The following TCTN2 variants were observed in gnomAD, a reference collection of about 807,000 sequenced individuals.
The protein encoded by TCTN2 is tectonic family member 2, also known as tectonic-2.
Under a neutral mutation model 83.4 loss-of-function variants are expected in TCTN2, and 66 were observed. The ratio of observed to expected loss-of-function variants is 0.79; its 90% CI spans 0.65 to 0.97. The LOEUF is 0.97. Among genes scored for constraint, TCTN2 ranks in the 50% least tolerant of loss-of-function variants. The pLI is 0.00. For synonymous variants in TCTN2, 301 were observed against 326.7 expected, an observed-to-expected ratio of 0.92 and a Z score of 0.85; for missense variants, 794 against 858.1, an observed-to-expected ratio of 0.93 and a Z score of 0.93.
rs1956089754 is a variant in TCTN2, at chr12:123,694,950, G to A, written c.1208G>A (p.Arg403Lys). The A allele has an allele frequency of 1.2e-6, 2 of 1,613,422 alleles. No individual in the cohort carries two copies. Among genetic ancestry groups the A allele is most frequent in the South Asian group, 2.2e-5 (2 of 91,046 alleles). Reference sequence around the variant, plus strand: ...AGTGAAATAAATGTTAAAATTTTTAGGGCAGAGATTAATGCCCACCAGAAA... The same window carrying A: ...AGTGAAATAAATGTTAAAATTTTTAAGGCAGAGATTAATGCCCACCAGAAA... ...TISEINVKIF[R>K]AEINAHQKGI... is the part of the protein sequence containing the mutation. The change falls in exon 10 of 18, where the codon AGG becomes AAG. Residue 403 changes from arginine to lysine, a missense_variant. By Grantham distance (26) the Arg-to-Lys change is conservative. Coordinates refer to ENST00000303372, the MANE Select transcript of TCTN2 (RefSeq NM_024809.5).
chr12:123,699,873 G>A lies in TCTN2; in HGVS notation c.1612+63G>A, dbSNP rs1171769783. 1.4e-5 allele frequency: 19 copies of A among 1,313,994 alleles called. No homozygotes were observed. The Admixed American group carries it at 1.7e-4, about 12-fold the overall frequency. 81.4% of individuals were successfully genotyped at this position (1,313,994 alleles called of 1,614,324 possible). On this transcript the variant is annotated intron_variant, in intron 14 of 17. Transcript: ENST00000303372. ...GTTGCTGTGACTACCAACTGTAGTC[G>A]CAGCATTAGAGCCCAACCCAGTAGG...
Position 123,707,907 on chromosome 12 carries a change from A to G in TCTN2, c.*194A>G. 1.7e-6 allele frequency: 1 copy of G among 578,882 alleles called. No individual in the cohort carries two copies. The highest frequency in any genetic ancestry group is 3.1e-6 in the Non-Finnish European group (1 of 321,532). 35.9% of individuals were successfully genotyped at this position (578,882 alleles called of 1,614,324 possible). ...GTATTTTTAGTAGAGACAGGGTTCC[A>G]CCGTATTGGCCAGGCTGCTCTCGAA... On this transcript the variant is annotated 3_prime_UTR_variant, in exon 18 of 18. Coordinates refer to ENST00000303372, the MANE Select transcript of TCTN2 (RefSeq NM_024809.5).
chr12:123,685,607 T>TG (rs1955954769), intron 5 of TCTN2, among the ~76,000 whole-genome samples: 1 of 151,672 alleles, frequency 6.6e-6, no homozygotes, highest in Non-Finnish European at 1.5e-5. Flanking sequence ...TTAGTAGAGA[T>TG]GGGGTTTCAC....
chr12:123,701,775 T>C (rs911934000), intron 14 of TCTN2, among the ~76,000 whole-genome samples: 11 of 150,928 alleles, frequency 7.3e-5, no homozygotes, highest in Non-Finnish European at 1.2e-4. Flanking sequence ...ACAGATCTAA[T>C]AATAGCAGGG....
chr12:123,691,840 C>A (rs961184791), intron 8 of TCTN2, among the ~76,000 whole-genome samples: 5 of 150,454 alleles, frequency 3.3e-5, no homozygotes, highest in Non-Finnish European at 5.9e-5. Flanking sequence ...CAAGCGATTC[C>A]CCTGCCTCAG....
chr12:123,693,579 A>G (rs370029665), intron 9 of TCTN2, among the ~76,000 whole-genome samples: 1 of 150,220 alleles, frequency 6.7e-6, no homozygotes, highest in Non-Finnish European at 1.5e-5. Flanking sequence ...CAGTCTCCCA[A>G]GTAGCTGGGA....
chr12:123,680,117 C>T (rs968023195), intron 5 of TCTN2, among the ~76,000 whole-genome samples: 6 of 151,866 alleles, frequency 4.0e-5, no homozygotes, highest in African/African-American at 1.4e-4. Context: ...CTTTGGGTGG[C>T]CAAGGTGGGC....
At position 123,704,587 on chromosome 12, in the gene TCTN2, G is replaced by A. The variant is rs1956208251; in HGVS notation, c.1668G>A (p.Met556Ile). 1 of 1,613,676 alleles carries A rather than the reference G, an allele frequency of 6.2e-7. No individual in the cohort carries two copies. The highest frequency in any genetic ancestry group is 8.5e-7 in the Non-Finnish European group (1 of 1,179,974). The change falls in exon 15 of 18, where the codon ATG (methionine) becomes ATA (isoleucine). Residue 556 changes from methionine (M) to isoleucine (I), a missense_variant. Transcript: ENST00000303372. ...CGCTGGCTAGCAGTGTGAACGGCATGTGCCTGGATATTCCTGCTCACCTGA... is the reference window on the plus strand; with the variant it reads ...CGCTGGCTAGCAGTGTGAACGGCATATGCCTGGATATTCCTGCTCACCTGA... The part of the protein sequence containing the change: ...ADPLASSVNG[M>I]CLDIPAHLSI...
chr12:123,675,358 T>C (rs566131440), intron 4 of TCTN2, among the ~76,000 whole-genome samples: 64 of 152,318 alleles, frequency 4.2e-4, no homozygotes, highest in Non-Finnish European at 7.6e-4. Flanking sequence ...GCTACTGCCA[T>C]GTCCCCTGTC....
chr12:123,695,976 TG>T (rs1956102898), intron 11 of TCTN2: 1 of 193,806 alleles, frequency 5.2e-6, no homozygotes, highest in Non-Finnish European at 1.1e-5. Flanking sequence ...CCCAAGTAGC[TG>T]GGATTACAGG....
At chr12:123,685,009 C>T (rs1955946767) in intron 5 of TCTN2, among the ~76,000 whole-genome samples, 1 of 149,634 alleles carries the variant, frequency 6.7e-6, no homozygotes, top group Non-Finnish European at 1.5e-5. Context: ...GAGATCGCGC[C>T]ACTGCACTCC....
At chr12:123,687,154 G>A (rs1227191649) in intron 6 of TCTN2, 119 bp downstream of exon 6, 2 of 1,143,072 alleles carry the variant, frequency 1.7e-6, no homozygotes, top group East Asian at 2.4e-5. Flanking sequence ...GAGGTTCCGT[G>A]CCTAAAGGGT....
chr12:123,682,197 C>T (rs149364037), intron 5 of TCTN2, among the ~76,000 whole-genome samples: 2,417 of 152,210 alleles, frequency 0.016, 30 homozygotes, highest in Non-Finnish European at 0.024. Flanking sequence ...GTCTACAATT[C>T]CTGGGCTCAA....
intron 5 of TCTN2, among the ~76,000 whole-genome samples, chr12:123,686,038 T>G (rs1050128607): frequency 6.6e-6 from 1 of 151,282 alleles, no homozygotes; most frequent in Non-Finnish European, 1.5e-5. Context: ...GTCCAAGTAA[T>G]TTATTTATTT....
intron 7 of TCTN2, among the ~76,000 whole-genome samples, chr12:123,690,218 T>C (rs1174515662): frequency 1.3e-5 from 2 of 152,204 alleles, no homozygotes; most frequent in African/African-American, 4.8e-5. Context: ...TAAACTCTGG[T>C]TGTGATGAGG....
In TCTN2 at chr12:123,687,151, C is replaced by T. The variant is rs1252359278; in HGVS notation, c.764+116C>T. 13 of 1,205,122 alleles carry T rather than the reference C, an allele frequency of 1.1e-5. 1 individual carries two copies. The highest frequency in any genetic ancestry group is 8.5e-5 in the Admixed American group (5 of 58,848). The allele number at this position is 1,205,122 out of a possible 1,614,324, so 74.7% of individuals were successfully genotyped here. ...TTTCCCAACCCCTCTCCAGAGGTTC[C>T]GTGCCTAAAGGGTTCAATTCTAGAT... On this transcript the variant is annotated intron_variant, in intron 6 of 17. Transcript: ENST00000303372.
Position 123,699,638 on chromosome 12 carries a change from C to G in TCTN2, c.1506-66C>G, listed in dbSNP as rs191048520. On this transcript the variant is annotated intron_variant, in intron 13 of 17. Transcript: ENST00000303372. ...CACTCGGAAGTGAAACCCGGACATT[C>G]ACTGGAAATGACTTTAGGACAAGAC... 6.9e-4 allele frequency: 910 copies of G among 1,310,124 alleles called. 14 individuals are homozygous for G. The East Asian group carries it at 0.017, about 25-fold the overall frequency. The allele number at this position is 1,310,124 out of a possible 1,614,324, so 81.2% of individuals were successfully genotyped here. A position where few individuals can be genotyped will look rare whatever the true frequency, so the allele number is the denominator to read the frequency against.
intron 11 of TCTN2, 145 bp downstream of exon 11, chr12:123,695,442 G>A (rs1956096201): frequency 4.6e-6 from 3 of 657,670 alleles, no homozygotes; most frequent in Non-Finnish European, 8.1e-6. Flanking sequence ...CTTTTTTTGA[G>A]ACGGAGTCTT....
rs111574617 is a variant in TCTN2 at position 123,697,201 on chromosome 12, G to C, written c.1505+3G>C. ...AATGAAAATTGTACTCAGCTCAGGT[G>C]AGTGTTTCATTGATGAATATATCGG... is the stretch of plus-strand genomic sequence containing the variant. On this transcript the variant is annotated splice_donor_region_variant and intron_variant, in intron 13 of 17. Transcript: ENST00000303372. 1,156 of 1,600,364 alleles carry C rather than the reference G, an allele frequency of 7.2e-4. 6 individuals carry two copies. The African/African-American group carries it at 0.012, about 16-fold the overall frequency.
Sources: gnomAD v4.1 joint callset for allele counts (sites outside exome capture counted in the v4.1 genomes callset) on GRCh38, gnomAD v4.1.1 for gene constraint, MANE v1.5 for transcripts, NCBI Gene and HGNC (gene_info 2026-07-23, HGNC 2026-07-21) for gene names.